Variants in PTPRQ observed in about 807,000 individuals in gnomAD.
PTPRQ encodes protein tyrosine phosphatase receptor type Q.
Under a neutral mutation model 246.0 loss-of-function variants are expected in PTPRQ, and 199 were observed. The ratio of observed to expected loss-of-function variants is 0.81; its 90% CI spans 0.72 to 0.91. PTPRQ has a LOEUF of 0.91. Among genes scored for constraint, PTPRQ ranks in the 40% least tolerant of loss-of-function variants. The pLI is 0.00. For missense variants in PTPRQ, 2,624 were observed against 2,528.4 expected (o/e 1.04, Z -0.81); for synonymous variants, 869 against 853.2 (o/e 1.02, Z -0.32).
At chr12:80,467,192 C>T (rs10862132) in intron 6 of PTPRQ, among the ~76,000 whole-genome samples, 69,195 of 151,524 alleles carry the variant, frequency 0.46, 18,701 homozygotes, top group South Asian at 0.63. Context: ...AAAAAGTGGG[C>T]GAAGGACATG....
intron 3 of PTPRQ, among the ~76,000 whole-genome samples, chr12:80,454,065 G>T: frequency 1.1e-5 from 1 of 88,150 alleles, no homozygotes; most frequent in Non-Finnish European, 2.1e-5. Flanking sequence ...AAGCAAGCCT[G>T]GGCAATGGCG....
At chr12:80,657,298 T>C (rs1900475108) in intron 38 of PTPRQ, among the ~76,000 whole-genome samples, 2 of 151,828 alleles carry the variant, frequency 1.3e-5, no homozygotes, top group African/African-American at 4.8e-5. Context: ...TTATGAGACA[T>C]CAATTTGTAT....
chr12:80,536,574 A>G (rs773053176), intron 19 of PTPRQ, among the ~76,000 whole-genome samples: 3 of 151,490 alleles, frequency 2.0e-5, no homozygotes, highest in Non-Finnish European at 3.0e-5. Context: ...TTATAGCTGT[A>G]ATGAAAGACA....
intron 6 of PTPRQ, among the ~76,000 whole-genome samples, chr12:80,468,134 A>T (rs929484268): frequency 6.6e-6 from 1 of 152,192 alleles, no homozygotes; most frequent in African/African-American, 2.4e-5. Context: ...ACATCTAAGA[A>T]AAATAGAGTA....
chr12:80,542,089 TCC>T lies in PTPRQ; in HGVS notation c.3448_3449del (p.Pro1150ArgfsTer10). 6.5e-7 allele frequency: 1 copy of T among 1,541,432 alleles called. No individual in the cohort carries two copies. Among genetic ancestry groups the T allele is most frequent in the Non-Finnish European group, 8.7e-7 (1 of 1,144,624 alleles). On this transcript the variant is annotated frameshift_variant and splice_region_variant, in exon 22 of 45. Transcript: ENST00000644991. LOFTEE classifies it high-confidence loss of function. ...TTAATATTCTCTTTTTCTTTTATAG[TCC>T]CAGAAACTTCACCAATAATCAACAC... is the stretch of plus-strand genomic sequence containing the variant.
At chr12:80,449,634 TC>T (rs574782010) in intron 3 of PTPRQ, among the ~76,000 whole-genome samples, 2,487 of 151,906 alleles carry the variant, frequency 0.016, 29 homozygotes, top group Middle Eastern at 0.051. Flanking sequence ...AAATAGGGAA[TC>T]CCTTCCCCAT....
At chr12:80,663,202 T>C (rs538975669) in intron 39 of PTPRQ, among the ~76,000 whole-genome samples, 2 of 152,006 alleles carry the variant, frequency 1.3e-5, no homozygotes, top group East Asian at 3.9e-4. Flanking sequence ...ACTGAGATCA[T>C]ATAATGTTAG....
intron 19 of PTPRQ, among the ~76,000 whole-genome samples, chr12:80,535,997 C>T (rs1479674863): frequency 4.6e-5 from 7 of 152,172 alleles, no homozygotes; most frequent in Non-Finnish European, 1.0e-4. Context: ...GTCCCAGCTA[C>T]TGGGGAGGCT....
chr12:80,589,715 T>G (rs547326440), intron 26 of PTPRQ, among the ~76,000 whole-genome samples: 1 of 152,334 alleles, frequency 6.6e-6, no homozygotes, highest in African/African-American at 2.4e-5. Context: ...TCCTGACAAC[T>G]CAGACTTTGA....
intron 12 of PTPRQ, 149 bp from the exon 13 acceptor site, chr12:80,495,850 C>T: frequency 1.0e-6 from 1 of 955,774 alleles, no homozygotes; most frequent in Non-Finnish European, 1.5e-6. Flanking sequence ...CCTATAAGCC[C>T]AAGAATTTGA....
chr12:80,622,588 T>C (rs1169746936), intron 33 of PTPRQ, among the ~76,000 whole-genome samples: 1 of 152,036 alleles, frequency 6.6e-6, no homozygotes, highest in Non-Finnish European at 1.5e-5. Context: ...AGCCCTAATG[T>C]TGACTCCATT....
chr12:80,505,905 C>G (rs1290352661), intron 14 of PTPRQ, 119 bp from the exon 15 acceptor site: 1 of 1,131,760 alleles, frequency 8.8e-7, no homozygotes, highest in Admixed American at 3.6e-5. Context: ...ATATTTATTA[C>G]GATTACATTC....
chr12:80,523,548 T>G (rs11114495), intron 17 of PTPRQ, among the ~76,000 whole-genome samples: 26,657 of 151,916 alleles, frequency 0.18, 2,516 homozygotes, highest in Middle Eastern at 0.24. Context: ...GTGTCCCAGA[T>G]ATTCTGGTAT....
chr12:80,463,243 A>C (rs1161138979), intron 6 of PTPRQ, among the ~76,000 whole-genome samples: 1 of 152,232 alleles, frequency 6.6e-6, no homozygotes, highest in African/African-American at 2.4e-5. Flanking sequence ...GAGCCAATGC[A>C]ATCAACTGGG....
intron 25 of PTPRQ, among the ~76,000 whole-genome samples, chr12:80,571,474 A>G (rs1565793236): frequency 6.6e-6 from 1 of 152,170 alleles, no homozygotes; most frequent in Non-Finnish European, 1.5e-5. Context: ...AACAAATATT[A>G]TGTTCCAGTC....
intron 19 of PTPRQ, among the ~76,000 whole-genome samples, chr12:80,537,565 AT>A (rs571490543): frequency 3.3e-4 from 50 of 152,344 alleles, no homozygotes; most frequent in Non-Finnish European, 6.5e-4. Flanking sequence ...GATTTAAAAA[AT>A]ATTATAGTAG....
intron 16 of PTPRQ, among the ~76,000 whole-genome samples, chr12:80,507,707 T>A (rs1895005218): frequency 6.6e-6 from 1 of 151,980 alleles, no homozygotes; most frequent in Admixed American, 6.6e-5. Context: ...TTTTCCCTAA[T>A]CATTGCATCT....
At chr12:80,466,514 T>G (rs2120516694) in intron 6 of PTPRQ, among the ~76,000 whole-genome samples, 1 of 152,228 alleles carries the variant, frequency 6.6e-6, no homozygotes, top group East Asian at 1.9e-4. Flanking sequence ...TACTTTAAAG[T>G]TCATATGGAA....
chr12:80,659,700 G>A (rs369032599), intron 39 of PTPRQ, among the ~76,000 whole-genome samples: 2 of 152,024 alleles, frequency 1.3e-5, no homozygotes, highest in African/African-American at 2.4e-5. Flanking sequence ...AAATGATAAC[G>A]TGGTATGAGC....
Sources: gnomAD v4.1 joint callset for allele counts (sites outside exome capture counted in the v4.1 genomes callset) on GRCh38, gnomAD v4.1.1 for gene constraint, MANE v1.5 for transcripts, NCBI Gene and HGNC (gene_info 2026-07-23, HGNC 2026-07-21) for gene names.